The following NTRK3 variants were observed in gnomAD, a reference collection of about 807,000 sequenced individuals.
NTRK3 encodes NT-3 growth factor receptor.
NTRK3 carries 24 observed loss-of-function variants against 91.7 expected under a neutral mutation model. That is an observed-to-expected ratio of 0.26 (90% confidence interval 0.19 to 0.37). NTRK3 has a LOEUF of 0.37. Ranked by LOEUF, NTRK3 falls within the 10% of genes least tolerant of loss-of-function variation. The pLI is 1.00. For missense variants in NTRK3, 880 were observed against 1,068.9 expected (o/e 0.82, Z 2.46); for synonymous variants, 483 against 404.0 (o/e 1.20, Z -2.34).
chr15:88,044,330 G>A (rs192224182), intron 13 of NTRK3, among the ~76,000 whole-genome samples: 10 of 138,878 alleles, frequency 7.2e-5, no homozygotes, highest in Admixed American at 3.4e-4. Flanking sequence ...ACACGATCTC[G>A]GCTCACTGCA....
intron 14 of NTRK3, among the ~76,000 whole-genome samples, chr15:88,020,381 A>G (rs1446162113): frequency 1.3e-5 from 2 of 152,182 alleles, no homozygotes; most frequent in African/African-American, 2.4e-5. Context: ...TCCTAAGAGC[A>G]TCTTCATAGC....
intron 5 of NTRK3, among the ~76,000 whole-genome samples, chr15:88,180,007 C>T (rs1269373712): frequency 6.6e-6 from 1 of 152,138 alleles, no homozygotes; most frequent in Non-Finnish European, 1.5e-5. Flanking sequence ...ATCAAGGTCA[C>T]CTAACCCCTT....
chr15:87,910,032 A>C (rs532337376), intron 17 of NTRK3, among the ~76,000 whole-genome samples: 1 of 152,214 alleles, frequency 6.6e-6, no homozygotes, highest in Non-Finnish European at 1.5e-5. Context: ...GGAAATAAGC[A>C]ACTGGCGCTG....
intron 3 of NTRK3, among the ~76,000 whole-genome samples, chr15:88,219,657 G>T (rs112076395): frequency 1.1e-4 from 17 of 152,338 alleles, no homozygotes; most frequent in African/African-American, 3.8e-4. Flanking sequence ...GTACATTCTG[G>T]TGGGAACTGA....
intron 3 of NTRK3, among the ~76,000 whole-genome samples, chr15:88,205,094 T>C (rs1222256614): frequency 6.6e-6 from 1 of 152,068 alleles, no homozygotes; most frequent in Non-Finnish European, 1.5e-5. Context: ...AAGAAAACAA[T>C]CCAGGGCTGA....
intron 3 of NTRK3, among the ~76,000 whole-genome samples, chr15:88,225,325 G>A (rs2050579377): frequency 6.6e-6 from 1 of 152,142 alleles, no homozygotes; most frequent in South Asian, 2.1e-4. Flanking sequence ...TTCTCTGCTG[G>A]GTGGAGGTGA....
At chr15:87,870,997 A>G (rs2064815357) in exon 19 of NTRK3, 1 of 231,062 alleles carries the variant, frequency 4.3e-6, no homozygotes, top group Non-Finnish European at 8.6e-6. Flanking sequence ...AGCCAAGCTC[A>G]CTGGTTCAAG....
chr15:88,087,158 C>A (rs900828057), intron 13 of NTRK3, among the ~76,000 whole-genome samples: 8 of 152,186 alleles, frequency 5.3e-5, no homozygotes, highest in African/African-American at 1.9e-4. Context: ...ACAGCAAGCT[C>A]CCCAGAAGCA....
intron 3 of NTRK3, among the ~76,000 whole-genome samples, chr15:88,216,588 C>A (rs1255249184): frequency 6.6e-6 from 1 of 152,204 alleles, no homozygotes; most frequent in African/African-American, 2.4e-5. Context: ...AGTGGGAGAG[C>A]TGTCTCTGGA....
intron 13 of NTRK3, among the ~76,000 whole-genome samples, chr15:88,074,319 C>A (rs1300872825): frequency 6.6e-6 from 1 of 152,260 alleles, no homozygotes; most frequent in Non-Finnish European, 1.5e-5. Flanking sequence ...GTGCATGGCA[C>A]TGCCCAAAAT....
intron 13 of NTRK3, among the ~76,000 whole-genome samples, chr15:88,122,388 GAC>G (rs2151073198): frequency 6.6e-6 from 1 of 152,308 alleles, no homozygotes; most frequent in East Asian, 1.9e-4. Flanking sequence ...AGCTGACAGA[GAC>G]ACACAGAGAC....
At chr15:87,991,756 T>C (rs2075302802) in intron 14 of NTRK3, among the ~76,000 whole-genome samples, 1 of 152,174 alleles carries the variant, frequency 6.6e-6, no homozygotes, top group African/African-American at 2.4e-5. Context: ...TTTTGGAATA[T>C]CTCATGAACA....
intron 6 of NTRK3, among the ~76,000 whole-genome samples, chr15:88,138,497 A>G (rs1040193012): frequency 1.3e-5 from 2 of 152,142 alleles, no homozygotes; most frequent in African/African-American, 4.8e-5. Context: ...TTGAAAATCA[A>G]AGTCAAAGCC....
chr15:88,130,916 G>A (rs1004473426), intron 10 of NTRK3, among the ~76,000 whole-genome samples: 5 of 152,186 alleles, frequency 3.3e-5, no homozygotes, highest in Non-Finnish European at 5.9e-5. Context: ...ACCTGGTTTC[G>A]ATCATTGCAT....
intron 17 of NTRK3, among the ~76,000 whole-genome samples, chr15:87,920,879 C>T (rs1465747): frequency 0.44 from 66,881 of 151,936 alleles, 14,868 homozygotes; most frequent in South Asian, 0.52. Flanking sequence ...TTAAGTAAGA[C>T]TGGTTTGGTA....
chr15:88,162,745 G>A (rs1249277976), intron 5 of NTRK3, among the ~76,000 whole-genome samples: 2 of 152,150 alleles, frequency 1.3e-5, no homozygotes, highest in Non-Finnish European at 2.9e-5. Flanking sequence ...CTTTGGATGG[G>A]GAGGCAGATG....
intron 17 of NTRK3, among the ~76,000 whole-genome samples, chr15:87,917,840 A>G (rs561897393): frequency 6.6e-6 from 1 of 152,322 alleles, no homozygotes; most frequent in Non-Finnish European, 1.5e-5. Context: ...GGTCCTTACC[A>G]GAAGCAGATG....
exon 19 of NTRK3, chr15:87,873,612 T>A (rs2064880156): frequency 4.3e-6 from 1 of 231,944 alleles, no homozygotes; most frequent in African/African-American, 2.2e-5. Context: ...AGGTGGACTT[T>A]GGTATGGGAA....
intron 13 of NTRK3, among the ~76,000 whole-genome samples, chr15:88,089,853 T>A (rs1233212542): frequency 6.6e-6 from 1 of 151,976 alleles, no homozygotes; most frequent in East Asian, 1.9e-4. Context: ...CCCTCCACAG[T>A]CTCCCCACCT....
Sources: allele counts gnomAD v4.1 joint callset (sites outside exome capture counted in the v4.1 genomes callset), GRCh38; gene constraint gnomAD v4.1.1; transcripts MANE v1.5; gene names NCBI Gene and HGNC (gene_info 2026-07-23, HGNC 2026-07-21).